Variants in TRIM28 observed in about 807,000 individuals in gnomAD.
TRIM28 encodes transcription intermediary factor 1-beta.
In TRIM28, 8 loss-of-function variants were observed where a neutral mutation model predicts 87.4. The observed-to-expected ratio is 0.09, with a 90% CI of 0.05 to 0.17. The LOEUF (loss-of-function observed/expected upper bound fraction) is 0.17. TRIM28 is among the 10% of genes least tolerant of loss of function. The pLI is 1.00. For synonymous variants in TRIM28, 601 were observed against 454.3 expected, an observed-to-expected ratio of 1.32 and a Z score of -4.11; for missense variants, 968 against 1,131.8, an observed-to-expected ratio of 0.86 and a Z score of 2.08.
chr19:58,548,841 C>T (rs369572313), intron 10 of TRIM28, 21 bp from the exon 11 acceptor site: 9 of 1,613,910 alleles, frequency 5.6e-6, no homozygotes, highest in Middle Eastern at 1.6e-4. Context: ...ACCTGCCAGT[C>T]TTCTTTCTCC....
In TRIM28 at chr19:58,549,021, T is replaced by A; in HGVS notation, c.1443T>A (p.Leu481=). Residue 481 remains leucine, a synonymous_variant, in exon 12 of 17, where the codon CTT becomes CTA. Coordinates refer to ENST00000253024, the MANE Select transcript of TRIM28 (RefSeq NM_005762.3). The surrounding 1 kb of genome is among the most constrained non-coding windows in gnomAD (Gnocchi z 4.4). ...SRSGEGEVSG[L]MRKVPRVSLE... is the part of the protein sequence containing the mutation. ...CAGGTGAGGGCGAGGTGAGCGGCCT[T>A]ATGCGCAAGGTGCCACGAGTGAGCC... The A allele has an allele frequency of 6.2e-7, 1 of 1,614,036 alleles. No individual in the cohort carries two copies. Among genetic ancestry groups the A allele is most frequent in the Non-Finnish European group, 8.5e-7 (1 of 1,179,978 alleles).
chr19:58,545,163 G>C, intron 1 of TRIM28, 66 bp downstream of exon 1: 1 of 1,345,420 alleles, frequency 7.4e-7, no homozygotes, highest in Non-Finnish European at 9.7e-7. Context: ...ACTGGGTGCA[G>C]AGATGAGGAT....
At chr19:58,547,225 C>G in intron 3 of TRIM28, 151 bp from the exon 4 acceptor site, 1 of 925,494 alleles carries the variant, frequency 1.1e-6, no homozygotes, top group South Asian at 1.8e-5. Flanking sequence ...GGCTTGCAGG[C>G]CTGTGTTCTT....
In TRIM28 at chr19:58,545,026, C is replaced by T. The variant is rs1332538354; in HGVS notation, c.269C>T (p.Ala90Val). Residue 90 changes from alanine (A) to valine (V), a missense_variant, in exon 1 of 17, where the codon GCC becomes GTC. Ala to Val is a moderately conservative substitution (Grantham distance 64). Coordinates refer to ENST00000253024, the MANE Select transcript of TRIM28 (RefSeq NM_005762.3). ...CCCTGTTTGCACTCGGCCTGTAGTG[C>T]CTGCTTAGGGCCCGCGGCCCCCGCC... is the stretch of plus-strand genomic sequence containing the variant. ...LLPCLHSACS[A>V]CLGPAAPAAA... The T allele has an allele frequency of 3.4e-6, 5 of 1,487,492 alleles. No individual in the cohort carries two copies. Among genetic ancestry groups the T allele is most frequent in the Non-Finnish European group, 3.5e-6 (4 of 1,131,878 alleles). 92.1% of individuals were successfully genotyped at this position (1,487,492 alleles called of 1,614,324 possible).
intron 1 of TRIM28, 32 bp downstream of exon 1, chr19:58,545,129 C>A (rs1345373847): frequency 2.9e-6 from 4 of 1,389,510 alleles, no homozygotes; most frequent in East Asian, 2.7e-5. Flanking sequence ...CCACCCCTCC[C>A]CCTACTCTCT....
chr19:58,545,590 G>T, intron 2 of TRIM28, 53 bp downstream of exon 2: 2 of 1,516,194 alleles, frequency 1.3e-6, no homozygotes, highest in East Asian at 2.3e-5. Context: ...GGGCATCTGC[G>T]CAGGAGGAGC....
rs377538911 is a variant in TRIM28, at chr19:58,547,758, G to A, written c.840-34G>A. On this transcript the variant is annotated intron_variant, in intron 5 of 16. Coordinates refer to ENST00000253024, the MANE Select transcript of TRIM28 (RefSeq NM_005762.3). ...CTGTGGGGGTGGCCCAGGGCAGCAA[G>A]ACCCTACCTAGCCTGACCTGCTGTG... is the stretch of plus-strand genomic sequence containing the variant. The A allele has an allele frequency of 2.1e-5, 34 of 1,613,918 alleles. No individual in the cohort carries two copies. The African/African-American group carries it at 4.3e-4, about 20-fold the overall frequency.
rs1233858352 is a variant in TRIM28, at chr19:58,545,798, C to T, written c.488C>T (p.Thr163Ile). ...AGCTGTGAGGATAATGCCCCAGCCACCAGCTACTGTGTGGAGTGCTCGGAG... is the reference window on the plus strand; with the variant it reads ...AGCTGTGAGGATAATGCCCCAGCCATCAGCTACTGTGTGGAGTGCTCGGAG... ...CTSCEDNAPA[T>I]SYCVECSEPL... The change falls in exon 3 of 17, where the codon ACC (threonine) becomes ATC (isoleucine). Residue 163 changes from threonine (T) to isoleucine (I), a missense_variant. This residue lies in a region of TRIM28 where 51 missense variants were observed against 69.3 expected (regional missense o/e 0.74). Coordinates refer to ENST00000253024, the MANE Select transcript of TRIM28 (RefSeq NM_005762.3). 1 of 1,611,754 alleles carries T rather than the reference C, an allele frequency of 6.2e-7. No homozygotes were observed.
rs767040256 is a variant in TRIM28, at chr19:58,549,244, A to G, written c.1662+4A>G. The G allele has an allele frequency of 4.7e-5, 75 of 1,612,200 alleles. No individual in the cohort carries two copies. In the South Asian group the frequency reaches 6.8e-4, roughly 15 times the overall value. ...GGCTGGCATGGCCATTGTCAAGGTA[A>G]GCCTGTCCCAAGGAACTATAGCTGT... On this transcript the variant is annotated splice_donor_region_variant and intron_variant, in intron 12 of 16. Coordinates refer to ENST00000253024, the MANE Select transcript of TRIM28 (RefSeq NM_005762.3). This position sits in a 1 kb window ranked among gnomAD's most constrained non-coding sequence, Gnocchi z 4.4.
At chr19:58,545,311 G>C (rs1435504559) in intron 1 of TRIM28, 114 bp from the exon 2 acceptor site, 1 of 973,384 alleles carries the variant, frequency 1.0e-6, no homozygotes. Flanking sequence ...TCGGGGAGGG[G>C]AGGGGCTGGT....
rs73580861 is a variant in TRIM28 at position 58,550,055 on chromosome 19, A to G, written c.2193+20A>G. 0.015 allele frequency: 24,662 copies of G among 1,613,756 alleles called. 2,664 individuals carry two copies. In the African/African-American group the frequency reaches 0.26, roughly 17 times the overall value. ...TCCCTGGTGAGTCCTAGGATGGGAA[A>G]GGGGAAGGGGGTGGTGGCTGCTGGG... is the stretch of plus-strand genomic sequence containing the variant. On this transcript the variant is annotated intron_variant, in intron 15 of 16. Coordinates refer to ENST00000253024, the MANE Select transcript of TRIM28 (RefSeq NM_005762.3).
At position 58,548,872 on chromosome 19, in the gene TRIM28, C is replaced by G; in HGVS notation, c.1371C>G (p.Pro457=). The change falls in exon 11 of 17, where the codon CCC becomes CCG. Residue 457 remains proline (P), a synonymous_variant. Transcript: ENST00000253024. ...TCTCCATTTTCTAAGGAGATGATCC[C>G]TACTCAAGTGCAGAGCCCCATGTGT... The part of the protein sequence containing the change: ...EGYGFGSGDD[P]YSSAEPHVSG... 1 of 1,614,094 alleles carries G rather than the reference C, an allele frequency of 6.2e-7. No homozygotes were observed. The highest frequency in any genetic ancestry group is 8.5e-7 in the Non-Finnish European group (1 of 1,179,994).
At chr19:58,545,712 C>T in intron 2 of TRIM28, 52 bp from the exon 3 acceptor site, 1 of 1,581,342 alleles carries the variant, frequency 6.3e-7, no homozygotes, top group South Asian at 1.1e-5. Flanking sequence ...GGGATGTAAA[C>T]GTGGATCTAT....
rs2122632917 is a variant in TRIM28 at position 58,549,762 on chromosome 19, C to T, written c.2008C>T (p.His670Tyr). The T allele has an allele frequency of 2.5e-6, 4 of 1,611,300 alleles. No individual in the cohort carries two copies. Among genetic ancestry groups the T allele is most frequent in the Non-Finnish European group, 3.4e-6 (4 of 1,177,968 alleles). Residue 670 changes from histidine (H) to tyrosine (Y), a missense_variant, in exon 14 of 17, where the codon CAT becomes TAT. Physicochemically the swap from His to Tyr is moderately conservative, Grantham distance 83. Coordinates refer to ENST00000253024, the MANE Select transcript of TRIM28 (RefSeq NM_005762.3). This position sits in a 1 kb window ranked among gnomAD's most constrained non-coding sequence, Gnocchi z 4.4. ...GGAGGAGTGGAGCTGCTCACTCTGC[C>T]ATGTGCTCCCTGACCTGAAGGAGGA... ...PGEEWSCSLCHVLPDLKEEDG... is the reference protein window; with the variant it reads ...PGEEWSCSLCYVLPDLKEEDG...
chr19:58,549,398 T>C lies in TRIM28; in HGVS notation c.1730T>C (p.Val577Ala). 6.3e-7 allele frequency: 1 copy of C among 1,591,588 alleles called. No homozygotes were observed. The highest frequency in any genetic ancestry group is 8.6e-7 in the Non-Finnish European group (1 of 1,165,366). Residue 577 changes from valine to alanine, a missense_variant, in exon 13 of 17, where the codon GTG becomes GCG. Val to Ala is a moderately conservative substitution (Grantham distance 64, BLOSUM62 0). Around this residue, in one of 11 missense-constraint regions of TRIM28, gnomAD observed 164 missense variants for 146.2 expected, o/e 1.12. Coordinates refer to ENST00000253024, the MANE Select transcript of TRIM28 (RefSeq NM_005762.3). This position sits in a 1 kb window ranked among gnomAD's most constrained non-coding sequence, Gnocchi z 4.4. ...TATEGPETKP[V>A]LMALAEGPGA... ...ACTGAGGGCCCTGAGACCAAACCTG[T>C]GCTTATGGCTCTTGCGGAGGGTCCT... is the stretch of plus-strand genomic sequence containing the variant.
At position 58,550,705 on chromosome 19, in the gene TRIM28, CTT is replaced by C; in HGVS notation, c.*153_*154del. 1 of 830,754 alleles carries C rather than the reference CTT, an allele frequency of 1.2e-6. No individual in the cohort carries two copies. Among genetic ancestry groups the C allele is most frequent in the Non-Finnish European group, 1.8e-6 (1 of 548,568 alleles). The allele number at this position is 830,754 out of a possible 1,614,324, so 51.5% of individuals were successfully genotyped here. A position where few individuals can be genotyped will look rare whatever the true frequency, so the allele number is the denominator to read the frequency against. ...TTTACTTCTGTGGATTTAATAAAAA[CTT>C]CACCAGTTCCTCAGGCGTTGGCTGG... On this transcript the variant is annotated 3_prime_UTR_variant, in exon 17 of 17. Transcript: ENST00000253024.
Position 58,545,530 on chromosome 19 carries a change from C to T in TRIM28, c.446C>T (p.Ala149Val). The change falls in exon 2 of 17, where the codon GCG becomes GTG. Residue 149 changes from alanine (A) to valine (V), a missense_variant. Physicochemically the swap from Ala to Val is moderately conservative, Grantham distance 64 (BLOSUM62 0). Transcript: ENST00000253024. ...AAGGCTGCCACCGACGCCCAGGATG[C>T]GAACCAGGTGCGTCCTATCTCAGCA... ...GSKAATDAQDANQCCTSCEDN... is the reference protein window; with the variant it reads ...GSKAATDAQDVNQCCTSCEDN... 1 of 1,610,330 alleles carries T rather than the reference C, an allele frequency of 6.2e-7. No individual in the cohort carries two copies. The highest frequency in any genetic ancestry group is 1.1e-5 in the South Asian group (1 of 90,994).
At chr19:58,545,700 C>A in intron 2 of TRIM28, 64 bp from the exon 3 acceptor site, 1 of 1,575,208 alleles carries the variant, frequency 6.3e-7, no homozygotes. Flanking sequence ...GTTGTATTTT[C>A]TGGGATGTAA....
intron 3 of TRIM28, chr19:58,547,043 A>G (rs1210044263): frequency 4.3e-6 from 1 of 230,880 alleles, no homozygotes; most frequent in Non-Finnish European, 8.2e-6. Context: ...AGTGTTCAGT[A>G]AAGGGAACAG....
Sources: gnomAD v4.1 joint callset for allele counts on GRCh38, gnomAD v4.1.1 for gene constraint, gnomAD v4.1.1 regional missense constraint, Gnocchi (gnomAD v3.1) non-coding constraint, MANE v1.5 for transcripts, NCBI Gene and HGNC (gene_info 2026-07-23, HGNC 2026-07-21) for gene names.